The following TTLL5 variants were observed in gnomAD, a reference collection of about 807,000 sequenced individuals.
TTLL5 encodes tubulin polyglutamylase TTLL5.
Under a neutral mutation model 168.4 loss-of-function variants are expected in TTLL5, and 132 were observed. The observed-to-expected ratio is 0.78, with a 90% CI of 0.68 to 0.91. The LOEUF (loss-of-function observed/expected upper bound fraction) is 0.91. TTLL5 is among the 40% of genes least tolerant of loss of function. The pLI is 0.00. For synonymous variants in TTLL5, 546 were observed against 558.6 expected (o/e 0.98, Z 0.32); for missense variants, 1,545 against 1,581.5 (o/e 0.98, Z 0.39).
chr14:75,791,794 T>C (rs1595048621), intron 26 of TTLL5, among the ~76,000 whole-genome samples: 1 of 152,250 alleles, frequency 6.6e-6, no homozygotes, highest in Admixed American at 6.5e-5. Flanking sequence ...ATCATTGTTA[T>C]ATTAGCATTA....
chr14:75,850,296 C>G (rs962610809), intron 28 of TTLL5, among the ~76,000 whole-genome samples: 1 of 149,738 alleles, frequency 6.7e-6, no homozygotes, highest in African/African-American at 2.5e-5. Flanking sequence ...ATCCCAGCTA[C>G]TAGGGAAGCT....
chr14:75,891,914 G>C lies in TTLL5; in HGVS notation c.3740+9012G>C, dbSNP rs76003588. Reference sequence around the variant, plus strand: ...TGTTCATAGGGTTAAATGAGATAATGTGTTTCCCTGACATATATTGCATCC... The same window carrying C: ...TGTTCATAGGGTTAAATGAGATAATCTGTTTCCCTGACATATATTGCATCC... On this transcript the variant is annotated intron_variant, in intron 30 of 31. Coordinates refer to ENST00000298832, the MANE Select transcript of TTLL5 (RefSeq NM_015072.5). Among the ~76,000 whole-genome samples, 1,419 of 152,310 alleles carry C rather than the reference G, an allele frequency of 9.3e-3. 27 individuals are homozygous for C. The highest frequency in any genetic ancestry group is 0.033 in the African/African-American group (1,352 of 41,552).
chr14:75,726,485 G>A (rs980776605), intron 12 of TTLL5, among the ~76,000 whole-genome samples: 5 of 152,278 alleles, frequency 3.3e-5, no homozygotes, highest in Non-Finnish European at 7.4e-5. Context: ...ATACAACAAT[G>A]AATGAAACAT....
At chr14:75,776,354 A>G (rs1193785824) in intron 22 of TTLL5, among the ~76,000 whole-genome samples, 1 of 152,210 alleles carries the variant, frequency 6.6e-6, no homozygotes, top group Non-Finnish European at 1.5e-5. Context: ...CTGGTATAAG[A>G]GTACCTTCCA....
chr14:75,674,133 T>C (rs75055109), intron 3 of TTLL5, among the ~76,000 whole-genome samples: 1,927 of 152,350 alleles, frequency 0.013, 55 homozygotes, highest in African/African-American at 0.043. Flanking sequence ...TTAGGATCCA[T>C]AAGTCTTTTT....
intron 28 of TTLL5, among the ~76,000 whole-genome samples, chr14:75,829,584 CAG>C (rs954404941): frequency 6.9e-6 from 1 of 144,450 alleles, no homozygotes; most frequent in African/African-American, 2.6e-5. Context: ...TCATGTAACA[CAG>C]AAAGCGAGTG....
chr14:75,740,645 A>C (rs79298815), intron 15 of TTLL5, among the ~76,000 whole-genome samples: 2,770 of 152,236 alleles, frequency 0.018, 86 homozygotes, highest in African/African-American at 0.06. Flanking sequence ...GTATACCCTG[A>C]TTATCAGTAT....
chr14:75,892,254 A>G (rs1478964374), intron 30 of TTLL5, among the ~76,000 whole-genome samples: 1 of 152,226 alleles, frequency 6.6e-6, no homozygotes, highest in Non-Finnish European at 1.5e-5. Context: ...TGATGGATGA[A>G]CATTTAAAGA....
At chr14:75,716,987 TATC>T (rs1345971663) in intron 9 of TTLL5, among the ~76,000 whole-genome samples, 1 of 152,244 alleles carries the variant, frequency 6.6e-6, no homozygotes, top group Non-Finnish European at 1.5e-5. Flanking sequence ...ATGCTGTCAT[TATC>T]ATTCTTTTTA....
intron 28 of TTLL5, among the ~76,000 whole-genome samples, chr14:75,836,399 T>C (rs1438906057): frequency 7.2e-6 from 1 of 138,624 alleles, no homozygotes; most frequent in Non-Finnish European, 1.5e-5. Flanking sequence ...TTGGGAAGGG[T>C]AATGGGGGTT....
intron 18 of TTLL5, among the ~76,000 whole-genome samples, chr14:75,758,074 C>G (rs545488461): frequency 6.2e-4 from 95 of 152,296 alleles, no homozygotes; most frequent in Non-Finnish European, 1.2e-3. Flanking sequence ...TACAGGTATA[C>G]TATTCTAACT....
At chr14:75,661,844 G>C (rs559529645) in intron 1 of TTLL5, among the ~76,000 whole-genome samples, 4 of 152,144 alleles carry the variant, frequency 2.6e-5, no homozygotes, top group African/African-American at 9.6e-5. Flanking sequence ...TTGCGCCGAA[G>C]ATCTTTGATC....
intron 30 of TTLL5, among the ~76,000 whole-genome samples, chr14:75,892,449 C>T (rs1366886584): frequency 6.6e-6 from 1 of 152,196 alleles, no homozygotes; most frequent in African/African-American, 2.4e-5. Flanking sequence ...AACCTAAAGC[C>T]ACGCTCATTA....
In TTLL5 at chr14:75,873,119, G is replaced by C. The variant is rs1383203698; in HGVS notation, c.3522+9257G>C. Among the ~76,000 whole-genome samples the C allele has an allele frequency of 2.7e-5, 4 of 148,148 alleles. No homozygotes were observed. In the South Asian group the frequency reaches 6.4e-4, roughly 24 times the overall value. On this transcript the variant is annotated intron_variant, in intron 29 of 31. Coordinates refer to ENST00000298832, the MANE Select transcript of TTLL5 (RefSeq NM_015072.5). Reference sequence around the variant, plus strand: ...GACGGAGTCTCGCTCTGTCCCCCAGGCTGGAGTGCAGTGGCTCAATCTCGG... The same window carrying C: ...GACGGAGTCTCGCTCTGTCCCCCAGCCTGGAGTGCAGTGGCTCAATCTCGG...
Position 75,914,033 on chromosome 14 carries a change from A to AAAAAAAAAAAT in TTLL5, c.3823+11810_3823+11811insAAAAAAAAATA. Among the ~76,000 whole-genome samples, 7 of 71,100 alleles carry AAAAAAAAAAAT rather than the reference A, an allele frequency of 9.8e-5. No homozygotes were observed. In the East Asian group the frequency reaches 1.7e-3, roughly 18 times the overall value. The allele number at this position is 71,100 out of a possible 152,430, so 46.6% of individuals were successfully genotyped here. On this transcript the variant is annotated intron_variant, in intron 31 of 31. Transcript: ENST00000298832. Reference sequence around the variant, plus strand: ...GTTTAAAAGGAAAAAAAAAAAAAAAAATATATATATATATATATATATTTT... The same window carrying AAAAAAAAAAAT: ...GTTTAAAAGGAAAAAAAAAAAAAAAAAAAAAAAAAATATATATATATATATATATATATTTT...
chr14:75,884,313 G>A (rs972506677), intron 30 of TTLL5, among the ~76,000 whole-genome samples: 6 of 152,220 alleles, frequency 3.9e-5, no homozygotes, highest in African/African-American at 1.4e-4. Context: ...ATTATTGCCA[G>A]TACCCTCAGA....
intron 15 of TTLL5, among the ~76,000 whole-genome samples, chr14:75,739,400 T>G (rs1429330485): frequency 6.6e-6 from 1 of 152,062 alleles, no homozygotes; most frequent in Non-Finnish European, 1.5e-5. Flanking sequence ...TCATTGGAGC[T>G]AAGTAAAAAA....
intron 27 of TTLL5, among the ~76,000 whole-genome samples, chr14:75,802,806 C>T (rs897878894): frequency 6.6e-6 from 1 of 152,124 alleles, no homozygotes; most frequent in African/African-American, 2.4e-5. Context: ...CTAAAAGAGG[C>T]CCCGAACCCA....
chr14:75,822,047 A>C (rs1894862441), intron 28 of TTLL5, among the ~76,000 whole-genome samples: 1 of 152,186 alleles, frequency 6.6e-6, no homozygotes, highest in Non-Finnish European at 1.5e-5. Flanking sequence ...GAATTCCCAG[A>C]GGCACCCAAC....
Sources: allele counts gnomAD v4.1 joint callset (sites outside exome capture counted in the v4.1 genomes callset), GRCh38; gene constraint gnomAD v4.1.1; transcripts MANE v1.5; gene names NCBI Gene and HGNC (gene_info 2026-07-23, HGNC 2026-07-21).